The following DLGAP2 variants were observed in gnomAD, a reference collection of about 807,000 sequenced individuals.
DLGAP2 encodes the protein disks large-associated protein 2.
Under a neutral mutation model 100.3 loss-of-function variants are expected in DLGAP2, and 26 were observed. That is an observed-to-expected ratio of 0.26 (90% CI 0.19 to 0.36). The LOEUF (loss-of-function observed/expected upper bound fraction) is 0.36. Ranked by LOEUF, DLGAP2 falls within the 10% of genes least tolerant of loss-of-function variation. DLGAP2 has a pLI of 1.00. For synonymous variants in DLGAP2, 886 were observed against 630.1 expected (o/e 1.41, Z -6.08); for missense variants, 1,858 against 1,453.2 (o/e 1.28, Z -4.53).
At chr8:1,348,850 G>T (rs892885757) in intron 3 of DLGAP2, among the ~76,000 whole-genome samples, 2 of 152,218 alleles carry the variant, frequency 1.3e-5, no homozygotes, top group African/African-American at 4.8e-5. Flanking sequence ...CACGTTGGCT[G>T]CTTCCCCATC....
chr8:885,217 A>G (rs1008015420), intron 1 of DLGAP2, among the ~76,000 whole-genome samples: 2 of 152,210 alleles, frequency 1.3e-5, no homozygotes, highest in African/African-American at 4.8e-5. Context: ...AATTGCTGGC[A>G]GTACGGCCAT....
At chr8:862,606 A>G (rs1797414717) in intron 1 of DLGAP2, among the ~76,000 whole-genome samples, 1 of 152,110 alleles carries the variant, frequency 6.6e-6, no homozygotes, top group African/African-American at 2.4e-5. Flanking sequence ...CTCCAGTTTT[A>G]TTCCTGGAAA....
intron 2 of DLGAP2, among the ~76,000 whole-genome samples, chr8:1,055,125 C>T (rs530850026): frequency 2.0e-5 from 3 of 152,242 alleles, no homozygotes; most frequent in South Asian, 2.1e-4. Flanking sequence ...ATGGAATAGA[C>T]GTTTTGTAAA....
chr8:1,088,687 C>T (rs1804059308), intron 2 of DLGAP2, among the ~76,000 whole-genome samples: 1 of 151,146 alleles, frequency 6.6e-6, no homozygotes, highest in Non-Finnish European at 1.5e-5. Flanking sequence ...ATTCTCACTC[C>T]CCAGTCTCAT....
chr8:1,542,562 G>A (rs1045809263), intron 4 of DLGAP2, among the ~76,000 whole-genome samples: 10 of 152,036 alleles, frequency 6.6e-5, no homozygotes, highest in Admixed American at 2.0e-4. Context: ...GGTGCAGCAC[G>A]TTTCTGGGCT....
chr8:1,284,650 T>C (rs10100618), intron 3 of DLGAP2, among the ~76,000 whole-genome samples: 48,561 of 152,046 alleles, frequency 0.32, 7,962 homozygotes, highest in African/African-American at 0.36. Context: ...TTATTATTAT[T>C]TTGCTCTGTC....
chr8:1,157,276 C>T (rs1796809951), intron 2 of DLGAP2, among the ~76,000 whole-genome samples: 1 of 152,166 alleles, frequency 6.6e-6, no homozygotes, highest in Non-Finnish European at 1.5e-5. Context: ...TCTCGTGGCA[C>T]AGATGCGGGC....
chr8:1,408,317 G>T (rs1796632660), intron 3 of DLGAP2, among the ~76,000 whole-genome samples: 2 of 152,214 alleles, frequency 1.3e-5, no homozygotes, highest in African/African-American at 4.8e-5. Context: ...TCTCCAGAGT[G>T]TCCGAGGGTT....
intron 2 of DLGAP2, among the ~76,000 whole-genome samples, chr8:1,080,053 C>A (rs1343943314): frequency 1.3e-5 from 2 of 152,224 alleles, no homozygotes; most frequent in African/African-American, 2.4e-5. Flanking sequence ...TGGGTTTTGT[C>A]CTCAAGCGTA....
At chr8:1,518,666 C>T (rs1307173853) in intron 4 of DLGAP2, among the ~76,000 whole-genome samples, 2 of 152,172 alleles carry the variant, frequency 1.3e-5, no homozygotes, top group South Asian at 2.1e-4. Flanking sequence ...TTCTCCCTGC[C>T]ATGGACAATG....
intron 3 of DLGAP2, among the ~76,000 whole-genome samples, chr8:1,370,097 T>A (rs1245040601): frequency 6.6e-6 from 1 of 152,190 alleles, no homozygotes; most frequent in African/African-American, 2.4e-5. Context: ...TAGGCAGCTT[T>A]TCTCCCACAG....
chr8:1,045,252 T>C (rs1585009594), intron 2 of DLGAP2, among the ~76,000 whole-genome samples: 1 of 152,342 alleles, frequency 6.6e-6, no homozygotes, highest in Middle Eastern at 3.4e-3. Context: ...ACAGCGGTAG[T>C]ATCCACCTAA....
At chr8:742,173 C>T (rs536691309) in intron 1 of DLGAP2, among the ~76,000 whole-genome samples, 11 of 152,276 alleles carry the variant, frequency 7.2e-5, no homozygotes, top group African/African-American at 2.2e-4. Context: ...CACATTAAAC[C>T]TCTTGTTGCA....
intron 2 of DLGAP2, among the ~76,000 whole-genome samples, chr8:1,075,657 T>G (rs1170173841): frequency 1.3e-5 from 2 of 152,162 alleles, no homozygotes; most frequent in Admixed American, 1.3e-4. Flanking sequence ...GAACTCTCCC[T>G]TCTCCTTCAG....
intron 2 of DLGAP2, among the ~76,000 whole-genome samples, chr8:1,093,658 CAG>C (rs1804263882): frequency 6.6e-6 from 1 of 152,078 alleles, no homozygotes; most frequent in Admixed American, 6.5e-5. Flanking sequence ...AATAGCCAGA[CAG>C]AAACACCTTC....
intron 8 of DLGAP2, among the ~76,000 whole-genome samples, chr8:1,649,131 A>G (rs1322811540): frequency 6.6e-6 from 1 of 152,238 alleles, no homozygotes; most frequent in Non-Finnish European, 1.5e-5. Flanking sequence ...TTGAATTTGA[A>G]TAACTGCCTT....
At chr8:799,611 C>G (rs928549526) in intron 1 of DLGAP2, among the ~76,000 whole-genome samples, 3 of 152,152 alleles carry the variant, frequency 2.0e-5, no homozygotes, top group Admixed American at 6.5e-5. Context: ...ACTGTGAACT[C>G]ACTTTTAAAG....
intron 3 of DLGAP2, among the ~76,000 whole-genome samples, chr8:1,310,249 A>T (rs1800584367): frequency 1.3e-5 from 2 of 152,192 alleles, no homozygotes; most frequent in Admixed American, 1.3e-4. Flanking sequence ...CAAAAAAGAC[A>T]ATAATTAAGA....
At chr8:1,206,743 G>A (rs1358229837) in intron 2 of DLGAP2, among the ~76,000 whole-genome samples, 2 of 152,194 alleles carry the variant, frequency 1.3e-5, no homozygotes, top group African/African-American at 4.8e-5. Context: ...CTGGAGAACT[G>A]GTCTTCCGGG....
Sources: allele counts gnomAD v4.1 joint callset (sites outside exome capture counted in the v4.1 genomes callset), GRCh38; gene constraint gnomAD v4.1.1; transcripts MANE v1.5; gene names NCBI Gene and HGNC (gene_info 2026-07-23, HGNC 2026-07-21).